The following REV3L variants were observed in gnomAD, a reference collection of about 807,000 sequenced individuals.
The protein encoded by REV3L is DNA polymerase zeta catalytic subunit.
REV3L carries 69 observed loss-of-function variants against 299.4 expected under a neutral mutation model. That is an observed-to-expected ratio of 0.23 (90% CI 0.19 to 0.28). The LOEUF is 0.28. Among genes scored for constraint, REV3L ranks in the 10% least tolerant of loss-of-function variants. The pLI, the probability that REV3L is intolerant of heterozygous loss-of-function variation, is 1.00. For synonymous variants in REV3L, 1,238 were observed against 1,271.4 expected (o/e 0.97, Z 0.56); for missense variants, 3,128 against 3,693.8 (o/e 0.85, Z 3.97).
chr6:111,305,418 C>T (rs1014878111), intron 31 of REV3L, among the ~76,000 whole-genome samples: 3 of 151,468 alleles, frequency 2.0e-5, no homozygotes, highest in Non-Finnish European at 4.4e-5. Flanking sequence ...TAGTGAGACC[C>T]GATGTCTAAA....
At chr6:111,462,411 G>A (rs1391550401) in intron 1 of REV3L, among the ~76,000 whole-genome samples, 1 of 151,990 alleles carries the variant, frequency 6.6e-6, no homozygotes, top group Non-Finnish European at 1.5e-5. Context: ...AAGGCACACC[G>A]ATCTTAAATA....
Position 111,374,210 on chromosome 6 carries a change from A to G in REV3L, c.4145T>C (p.Ile1382Thr), listed in dbSNP as rs1167918969. Reference sequence around the variant, plus strand: ...TTGTATATTATTTGCATTATCTTCTATCTTTGAGGACATACCAGAAGATAT... The same window carrying G: ...TTGTATATTATTTGCATTATCTTCTGTCTTTGAGGACATACCAGAAGATAT... ...TQISSGMSSK[I>T]EDNANNIQRN... Residue 1382 changes from isoleucine (I) to threonine (T), a missense_variant, in exon 13 of 32, where the codon ATA (isoleucine) becomes ACA (threonine). Ile to Thr is a moderately conservative substitution (Grantham distance 89). Around this residue, in one of 9 missense-constraint regions of REV3L, gnomAD observed 2,409 missense variants for 2,611.8 expected, o/e 0.92. Transcript: ENST00000368802. The G allele has an allele frequency of 1.9e-6, 3 of 1,613,796 alleles. No individual in the cohort carries two copies. The highest frequency in any genetic ancestry group is 1.1e-5 in the South Asian group (1 of 91,070).
chr6:111,355,887 A>C, intron 18 of REV3L, among the ~76,000 whole-genome samples: 1 of 152,180 alleles, frequency 6.6e-6, no homozygotes, highest in East Asian at 1.9e-4. Flanking sequence ...ATAGATGGGA[A>C]TCTATCTAGT....
At chr6:111,454,634 G>A (rs1360268115) in intron 1 of REV3L, among the ~76,000 whole-genome samples, 3 of 151,990 alleles carry the variant, frequency 2.0e-5, no homozygotes, top group Non-Finnish European at 4.4e-5. Context: ...TCTCATATAA[G>A]TGGAATCATG....
In REV3L at chr6:111,374,646, C is replaced by T. The variant is rs199772574; in HGVS notation, c.3709G>A (p.Ala1237Thr). Residue 1237 changes from alanine to threonine, a missense_variant, in exon 13 of 32, where the codon GCT (alanine) becomes ACT (threonine). Coordinates refer to ENST00000368802, the MANE Select transcript of REV3L (RefSeq NM_001372078.1). ...TGTTTCAGTACAAACTTAACCTCAG[C>T]ACCAGACTGAGATTTTATTTTTTCA... ...KDEKIKSQSG[A>T]EVKFVLKHQN... 69 of 1,613,492 alleles carry T rather than the reference C, an allele frequency of 4.3e-5. No homozygotes were observed. The highest frequency in any genetic ancestry group is 1.5e-5 in the Non-Finnish European group (18 of 1,179,818).
rs777718943 is a variant in REV3L, at chr6:111,329,746, A to G, written c.8035-8T>C. The G allele has an allele frequency of 4.4e-5, 71 of 1,604,906 alleles. 1 individual carries two copies. The Middle Eastern group carries it at 9.9e-4, about 22-fold the overall frequency. On this transcript the variant is annotated splice_region_variant and splice_polypyrimidine_tract_variant and intron_variant, in intron 24 of 31. Coordinates refer to ENST00000368802, the MANE Select transcript of REV3L (RefSeq NM_001372078.1). ...ACCTTTTCTTACTGAAGGCTATCAT[A>G]AAGAAAAAAAATGTTTAAAACCCCT...
In REV3L at chr6:111,362,792, G is replaced by A. The variant is rs185042794; in HGVS notation, c.6879+1061C>T. ...TCATACAACTTAAGAGTAAAAAATAGTATTACATACCTAAGTCGTTCCAAA... is the reference window on the plus strand; with the variant it reads ...TCATACAACTTAAGAGTAAAAAATAATATTACATACCTAAGTCGTTCCAAA... On this transcript the variant is annotated intron_variant, in intron 16 of 31. Coordinates refer to ENST00000368802, the MANE Select transcript of REV3L (RefSeq NM_001372078.1). Among the ~76,000 whole-genome samples the A allele has an allele frequency of 3.6e-3, 553 of 152,176 alleles. 2 individuals are homozygous for A. Among genetic ancestry groups the A allele is most frequent in the African/African-American group, 0.013 (530 of 41,524 alleles).
At chr6:111,313,107 G>C (rs1446088387) in intron 28 of REV3L, 2 of 317,576 alleles carry the variant, frequency 6.3e-6, no homozygotes, top group Admixed American at 9.9e-5. Context: ...AGGCTGCAGT[G>C]AGCCAGGATT....
At chr6:111,360,058 C>A (rs535123671) in intron 16 of REV3L, among the ~76,000 whole-genome samples, 1 of 151,936 alleles carries the variant, frequency 6.6e-6, no homozygotes, top group Non-Finnish European at 1.5e-5. Flanking sequence ...GATGTTTACT[C>A]GAGAATAGCA....
intron 1 of REV3L, among the ~76,000 whole-genome samples, chr6:111,422,995 A>G (rs989939640): frequency 9.9e-5 from 15 of 152,058 alleles, no homozygotes; most frequent in African/African-American, 2.9e-4. Context: ...TCAAAAGTCT[A>G]TTTTATTCAT....
At chr6:111,410,100 G>T (rs1473678366) in intron 3 of REV3L, among the ~76,000 whole-genome samples, 6 of 152,172 alleles carry the variant, frequency 3.9e-5, no homozygotes, top group Admixed American at 3.9e-4. Flanking sequence ...AGCACTTTGG[G>T]AGGCTAACGT....
At chr6:111,353,251 T>C (rs1217227161) in intron 18 of REV3L, among the ~76,000 whole-genome samples, 2 of 152,244 alleles carry the variant, frequency 1.3e-5, no homozygotes, top group Non-Finnish European at 2.9e-5. Context: ...TCACCAGATC[T>C]GCTTTTAGAA....
In REV3L at chr6:111,310,106, G is replaced by A. The variant is rs374692888; in HGVS notation, c.8796-7C>T. Reference sequence around the variant, plus strand: ...GTCATAAGTCAGCATTTTCCTATTCGAATTCAAAGAAAAAAACCACACCCA... The same window carrying A: ...GTCATAAGTCAGCATTTTCCTATTCAAATTCAAAGAAAAAAACCACACCCA... On this transcript the variant is annotated splice_region_variant and splice_polypyrimidine_tract_variant and intron_variant, in intron 29 of 31. Coordinates refer to ENST00000368802, the MANE Select transcript of REV3L (RefSeq NM_001372078.1). The A allele has an allele frequency of 2.7e-4, 398 of 1,488,816 alleles. No homozygotes were observed. The highest frequency in any genetic ancestry group is 3.3e-4 in the Non-Finnish European group (371 of 1,116,994). 92.2% of individuals were successfully genotyped at this position (1,488,816 alleles called of 1,614,324 possible). A position where few individuals can be genotyped will look rare whatever the true frequency, so the allele number is the denominator to read the frequency against.
At chr6:111,362,490 C>T (rs895971821) in intron 16 of REV3L, among the ~76,000 whole-genome samples, 5 of 152,100 alleles carry the variant, frequency 3.3e-5, no homozygotes, top group Non-Finnish European at 5.9e-5. Flanking sequence ...ATAAAACTAG[C>T]ATTGTCCAAT....
intron 17 of REV3L, among the ~76,000 whole-genome samples, chr6:111,357,444 G>A (rs757465902): frequency 1.1e-4 from 16 of 152,258 alleles, no homozygotes; most frequent in Admixed American, 3.3e-4. Context: ...TGTAATCCCA[G>A]CACTTTGGGA....
intron 1 of REV3L, among the ~76,000 whole-genome samples, chr6:111,438,022 T>TA (rs534428219): frequency 3.4e-4 from 52 of 151,438 alleles, no homozygotes; most frequent in Middle Eastern, 6.8e-3. Flanking sequence ...TAATTTTTTT[T>TA]TTTTTATTTT....
intron 13 of REV3L, 100 bp downstream of exon 13, chr6:111,372,495 TA>T (rs1358578820): frequency 1.2e-6 from 1 of 861,036 alleles, no homozygotes; most frequent in Non-Finnish European, 1.6e-6. Context: ...AGCAGTCAGG[TA>T]ACCAAATGTT....
chr6:111,463,126 G>A (rs191826733), intron 1 of REV3L, among the ~76,000 whole-genome samples: 71 of 152,320 alleles, frequency 4.7e-4, no homozygotes, highest in Non-Finnish European at 7.4e-4. Context: ...TTAGTTGCAA[G>A]AGTTATCACA....
chr6:111,383,046 A>G (rs992213169), intron 9 of REV3L, among the ~76,000 whole-genome samples: 1 of 152,216 alleles, frequency 6.6e-6, no homozygotes. Context: ...GGCAGGGTTC[A>G]TCACTTGCTC....
Sources: gnomAD v4.1 joint callset for allele counts (sites outside exome capture counted in the v4.1 genomes callset) on GRCh38, gnomAD v4.1.1 for gene constraint, gnomAD v4.1.1 regional missense constraint, MANE v1.5 for transcripts, NCBI Gene and HGNC (gene_info 2026-07-23, HGNC 2026-07-21) for gene names.